HSD17B12: variants seen among roughly 807,000 people sequenced by gnomAD.
HSD17B12 encodes hydroxysteroid 17-beta dehydrogenase 12, also known as very-long-chain 3-oxoacyl-CoA reductase.
HSD17B12 carries 32 observed loss-of-function variants against 39.3 expected under a neutral mutation model. That is an observed-to-expected ratio of 0.81 (90% CI 0.61 to 1.09). HSD17B12 has a LOEUF of 1.09. Among genes scored for constraint, HSD17B12 ranks in the 50% least tolerant of loss-of-function variants. The probability of loss-of-function intolerance (pLI) is 0.00; values close to 1 mark genes in which losing one functional copy is unlikely to be tolerated. For missense variants in HSD17B12, 342 were observed against 382.9 expected (o/e 0.89, Z 0.89); for synonymous variants, 150 against 146.7 (o/e 1.02, Z -0.16).
chr11:43,648,928 C>T, the HSD17B12 span, among the ~76,000 whole-genome samples: 244 of 152,264 alleles, frequency 1.6e-3, 1 homozygote, highest in African/African-American at 4.1e-3. Flanking sequence ...TACGGGGTTT[C>T]GCTATGTTGG....
intron 1 of HSD17B12, among the ~76,000 whole-genome samples, chr11:43,718,232 G>A (rs970175678): frequency 6.6e-6 from 1 of 152,284 alleles, no homozygotes; most frequent in Admixed American, 6.5e-5. Context: ...GAGATGGAAG[G>A]TATTGTTGCA....
the HSD17B12 span, among the ~76,000 whole-genome samples, chr11:43,658,350 G>C: frequency 6.6e-6 from 1 of 151,968 alleles, no homozygotes; most frequent in Non-Finnish European, 1.5e-5. Context: ...TCCTCCTTTA[G>C]GTCGGAGTAG....
intron 3 of HSD17B12, among the ~76,000 whole-genome samples, chr11:43,773,393 A>G (rs1302284703): frequency 6.6e-6 from 1 of 152,146 alleles, no homozygotes. Context: ...GGTGCACACC[A>G]CTATGCTAGC....
chr11:43,733,855 G>A lies in HSD17B12; in HGVS notation c.161-17056G>A, dbSNP rs1054216970. ...CTCTGCCTTATATAATGTGGATGCT[G>A]GGCACAGAGCTGCGATCTTTGACCA... On this transcript the variant is annotated intron_variant, in intron 1 of 10. Transcript: ENST00000278353. 8.5e-5 allele frequency: 58 copies of A among 679,074 alleles called. 1 individual carries two copies. The highest frequency in any genetic ancestry group is 2.5e-4 in the Middle Eastern group (1 of 4,020). The allele number at this position is 679,074 out of a possible 1,614,324, so 42.1% of individuals were successfully genotyped here.
At chr11:43,598,714 C>T in the HSD17B12 span, among the ~76,000 whole-genome samples, 10 of 152,264 alleles carry the variant, frequency 6.6e-5, no homozygotes, top group South Asian at 1.7e-3. Flanking sequence ...CTCATTCATC[C>T]ATCTCCGGTC....
intron 1 of HSD17B12, among the ~76,000 whole-genome samples, chr11:43,719,642 A>G (rs1287746650): frequency 1.3e-5 from 2 of 151,456 alleles, no homozygotes; most frequent in Non-Finnish European, 2.9e-5. Context: ...ATATATATAT[A>G]TACCTTGAAT....
chr11:43,661,196 G>A, the HSD17B12 span, among the ~76,000 whole-genome samples: 11 of 152,174 alleles, frequency 7.2e-5, no homozygotes, highest in African/African-American at 2.7e-4. Context: ...TATGCTAAGT[G>A]AGAGAAGCCA....
At chr11:43,671,524 T>C in the HSD17B12 span, among the ~76,000 whole-genome samples, 2 of 152,240 alleles carry the variant, frequency 1.3e-5, no homozygotes, top group African/African-American at 2.4e-5. Context: ...ATGGCACTAA[T>C]TCCTTTCTTT....
chr11:43,759,698 CT>C (rs1235400651), intron 3 of HSD17B12, among the ~76,000 whole-genome samples: 2 of 151,684 alleles, frequency 1.3e-5, no homozygotes, highest in Admixed American at 6.6e-5. Flanking sequence ...TTTTACAGTC[CT>C]TTCTTCCTTC....
chr11:43,583,731 A>G, the HSD17B12 span, among the ~76,000 whole-genome samples: 1 of 151,836 alleles, frequency 6.6e-6, no homozygotes, highest in Non-Finnish European at 1.5e-5. Context: ...CATCCCACTT[A>G]ATAAAGCTAC....
intron 6 of HSD17B12, 75 bp downstream of exon 6, chr11:43,816,466 T>C (rs190477099): frequency 7.8e-7 from 1 of 1,285,244 alleles, no homozygotes; most frequent in East Asian, 2.8e-5. Flanking sequence ...AATCAGCTTG[T>C]TCACCTGAGT....
the HSD17B12 span, among the ~76,000 whole-genome samples, chr11:43,580,879 G>A: frequency 6.6e-6 from 1 of 152,062 alleles, no homozygotes; most frequent in Non-Finnish European, 1.5e-5. Context: ...CCGCACCAAT[G>A]AGCTGGCGGC....
At chr11:43,751,000 G>A in intron 2 of HSD17B12, 43 bp downstream of exon 2, 1 of 1,228,292 alleles carries the variant, frequency 8.1e-7, no homozygotes, top group Non-Finnish European at 1.2e-6. Context: ...TAAAAAATAA[G>A]AATAAATATG....
At chr11:43,690,081 A>G (rs770454673) in intron 1 of HSD17B12, among the ~76,000 whole-genome samples, 18 of 151,666 alleles carry the variant, frequency 1.2e-4, no homozygotes, top group South Asian at 2.1e-4. Flanking sequence ...CACCTTTTCA[A>G]TGGAACCGCC....
At chr11:43,844,129 T>C (rs542244102) in intron 9 of HSD17B12, among the ~76,000 whole-genome samples, 2 of 152,334 alleles carry the variant, frequency 1.3e-5, no homozygotes, top group East Asian at 3.9e-4. Context: ...CATTTTTTTC[T>C]AAGCCTTGCA....
intron 1 of HSD17B12, among the ~76,000 whole-genome samples, chr11:43,729,881 G>A (rs1950253167): frequency 6.6e-6 from 1 of 152,158 alleles, no homozygotes; most frequent in Admixed American, 6.5e-5. Context: ...CTTGTTAAAG[G>A]TCTGTGGGAG....
intron 1 of HSD17B12, among the ~76,000 whole-genome samples, chr11:43,714,083 C>T (rs974511816): frequency 3.3e-5 from 5 of 152,164 alleles, no homozygotes; most frequent in African/African-American, 1.2e-4. Flanking sequence ...TGCCTGTTCA[C>T]TCTGATGGTA....
intron 8 of HSD17B12, 103 bp from the exon 9 acceptor site, chr11:43,839,895 AT>A (rs1262023812): frequency 1.1e-6 from 1 of 937,812 alleles, no homozygotes. Context: ...ATGATGAGAA[AT>A]TATAGCATTA....
At chr11:43,836,465 G>A (rs999062031) in intron 7 of HSD17B12, among the ~76,000 whole-genome samples, 23 of 152,084 alleles carry the variant, frequency 1.5e-4, no homozygotes, top group Non-Finnish European at 2.8e-4. Flanking sequence ...CCAGTTTAAA[G>A]GTGATACATT....
Sources: gnomAD v4.1 joint callset for allele counts (sites outside exome capture counted in the v4.1 genomes callset) on GRCh38, gnomAD v4.1.1 for gene constraint, MANE v1.5 for transcripts, NCBI Gene and HGNC (gene_info 2026-07-23, HGNC 2026-07-21) for gene names.